CEP76: variants seen among roughly 807,000 people sequenced by gnomAD.
CEP76 encodes the protein centrosomal protein of 76 kDa.
Under a neutral mutation model 83.3 loss-of-function variants are expected in CEP76, and 55 were observed. The ratio of observed to expected loss-of-function variants is 0.66; its 90% CI spans 0.53 to 0.83. The LOEUF is 0.83. CEP76 is among the 40% of genes least tolerant of loss of function. The pLI, the probability that CEP76 is intolerant of heterozygous loss-of-function variation, is 0.00. For missense variants in CEP76, 694 were observed against 799.5 expected, an observed-to-expected ratio of 0.87 and a Z score of 1.59; for synonymous variants, 270 against 274.5, an observed-to-expected ratio of 0.98 and a Z score of 0.16.
chr18:12,662,749 C>T (rs2038720719), intron 12 of CEP76, among the ~76,000 whole-genome samples: 1 of 152,198 alleles, frequency 6.6e-6, no homozygotes, highest in South Asian at 2.1e-4. Context: ...TGCCCTCCAG[C>T]CTGGGCGATA....
intron 8 of CEP76, chr18:12,684,745 A>G (rs2039479334): frequency 6.6e-6 from 1 of 151,964 alleles, no homozygotes; most frequent in Non-Finnish European, 1.5e-5. Context: ...GGCCTCCCAA[A>G]GTGCTGGGAT....
In CEP76 at chr18:12,697,428, G is replaced by A. The variant is rs761424962; in HGVS notation, c.521-20C>T. ...CATCACCTAGCAATATAATCCAAAC[G>A]AAATTATACCACACTACATATTCAG... On this transcript the variant is annotated intron_variant, in intron 4 of 11. Coordinates refer to ENST00000262127, the MANE Select transcript of CEP76 (RefSeq NM_024899.4). 1.2e-5 allele frequency: 19 copies of A among 1,538,386 alleles called. No individual in the cohort carries two copies. The highest frequency in any genetic ancestry group is 4.7e-5 in the South Asian group (4 of 84,658).
downstream of CEP76, among the ~76,000 whole-genome samples, chr18:12,672,270 G>A (rs1330201052): frequency 2.6e-5 from 4 of 151,390 alleles, no homozygotes; most frequent in South Asian, 2.1e-4. Flanking sequence ...GTGAGCCACC[G>A]CACCCGGCCT....
chr18:12,695,589 T>C (rs1210761269), intron 5 of CEP76, among the ~76,000 whole-genome samples: 1 of 152,110 alleles, frequency 6.6e-6, no homozygotes, highest in Non-Finnish European at 1.5e-5. Flanking sequence ...TTTTCTTCTT[T>C]AAGTAGAGAT....
chr18:12,698,887 CT>C (rs2040053633), intron 4 of CEP76, 91 bp downstream of exon 4: 1 of 885,322 alleles, frequency 1.1e-6, no homozygotes, highest in East Asian at 2.6e-5. Context: ...CATTATAAAT[CT>C]CTCCTTACAG....
chr18:12,673,706 C>T (rs1008620959), intron 11 of CEP76, among the ~76,000 whole-genome samples: 1 of 151,940 alleles, frequency 6.6e-6, no homozygotes, highest in Non-Finnish European at 1.5e-5. Flanking sequence ...ATAGTGAAAC[C>T]CCGCCTCTAC....
intron 3 of CEP76, 146 bp downstream of exon 3, chr18:12,699,684 A>C: frequency 1.9e-6 from 1 of 534,192 alleles, no homozygotes; most frequent in East Asian, 3.2e-5. Flanking sequence ...ACTTCATGCA[A>C]AACAATCTGT....
intron 1 of CEP76, 82 bp downstream of exon 1, chr18:12,702,404 C>G: frequency 9.4e-7 from 1 of 1,066,138 alleles, no homozygotes; most frequent in Non-Finnish European, 1.4e-6. Context: ...AAGCAGATGC[C>G]GCTGTCGGCC....
chr18:12,662,073 G>T, exon 13 of CEP76: 2 of 386,334 alleles, frequency 5.2e-6, no homozygotes, highest in African/African-American at 2.1e-5. Flanking sequence ...GGAGGTACTG[G>T]CTGTGCTGCT....
chr18:12,673,329 T>C lies in CEP76; in HGVS notation c.*36A>G, dbSNP rs1297084726. ...TAATGTACAATGTGTAAAATTCCAATTAAACACAGGTATAAATCTTATATA... is the reference window on the plus strand; with the variant it reads ...TAATGTACAATGTGTAAAATTCCAACTAAACACAGGTATAAATCTTATATA... On this transcript the variant is annotated 3_prime_UTR_variant, in exon 12 of 12. Coordinates refer to ENST00000262127, the MANE Select transcript of CEP76 (RefSeq NM_024899.4). The C allele has an allele frequency of 8.3e-6, 13 of 1,569,358 alleles. No homozygotes were observed. The highest frequency in any genetic ancestry group is 1.1e-5 in the Non-Finnish European group (13 of 1,165,986).
intron 9 of CEP76, among the ~76,000 whole-genome samples, chr18:12,679,914 G>C (rs2039284127): frequency 6.6e-6 from 1 of 151,940 alleles, no homozygotes; most frequent in Non-Finnish European, 1.5e-5. Context: ...AAATTAGCTA[G>C]GCATGGCTGT....
chr18:12,662,639 T>G (rs976954006), intron 12 of CEP76, among the ~76,000 whole-genome samples: 4 of 152,126 alleles, frequency 2.6e-5, no homozygotes, highest in Non-Finnish European at 4.4e-5. Context: ...TAACCAGGCA[T>G]GGTGGTGCAC....
At position 12,673,001 on chromosome 18, in the gene CEP76, T is replaced by C. The variant is rs1225667100; in HGVS notation, c.*364A>G. 2 of 994,184 alleles carry C rather than the reference T, an allele frequency of 2.0e-6. No individual in the cohort carries two copies. The highest frequency in any genetic ancestry group is 2.4e-6 in the Non-Finnish European group (2 of 835,966). The allele number at this position is 994,184 out of a possible 1,614,324, so 61.6% of individuals were successfully genotyped here. ...GTGAAAAGTAATGATCATACTGATTTGTCTAGGGCTCAAACCCTTAGACAA... is the reference window on the plus strand; with the variant it reads ...GTGAAAAGTAATGATCATACTGATTCGTCTAGGGCTCAAACCCTTAGACAA... On this transcript the variant is annotated 3_prime_UTR_variant, in exon 12 of 12. Coordinates refer to ENST00000262127, the MANE Select transcript of CEP76 (RefSeq NM_024899.4).
chr18:12,686,076 T>C, intron 8 of CEP76, 186 bp downstream of exon 8: 1 of 484,916 alleles, frequency 2.1e-6, no homozygotes, highest in South Asian at 3.2e-5. Context: ...TATTTTTTAT[T>C]ATTGTAATTT....
chr18:12,671,378 G>A (rs2038938030), downstream of CEP76, among the ~76,000 whole-genome samples: 1 of 151,952 alleles, frequency 6.6e-6, no homozygotes, highest in Non-Finnish European at 1.5e-5. Context: ...ACTTTCTTAA[G>A]ACCAATGGAT....
In CEP76 at chr18:12,690,840, T is replaced by C. The variant is rs143072141; in HGVS notation, c.933+519A>G. 1.1e-3 allele frequency among the ~76,000 whole-genome samples: 172 copies of C among 152,258 alleles called. 1 individual carries two copies. The highest frequency in any genetic ancestry group is 7.1e-3 in the East Asian group (37 of 5,186). On this transcript the variant is annotated intron_variant, in intron 7 of 11. Transcript: ENST00000262127. Reference sequence around the variant, plus strand: ...AAAAATGGAGGCAGAGATATATAGTTGAAATGCTTCAGTTAAACATTACTG... The same window carrying C: ...AAAAATGGAGGCAGAGATATATAGTCGAAATGCTTCAGTTAAACATTACTG...
chr18:12,671,783 G>C (rs1042312598), downstream of CEP76, among the ~76,000 whole-genome samples: 2 of 151,406 alleles, frequency 1.3e-5, no homozygotes, highest in African/African-American at 2.4e-5. Flanking sequence ...TTGGATTATG[G>C]GTGTGTGACA....
intron 8 of CEP76, among the ~76,000 whole-genome samples, chr18:12,682,047 A>G (rs2145023378): frequency 6.6e-6 from 1 of 152,248 alleles, no homozygotes; most frequent in Admixed American, 6.5e-5. Flanking sequence ...GTGTTCTGTG[A>G]AAAAAATTAC....
At chr18:12,671,638 CTTTCTTT>C (rs1435421013), downstream of CEP76, among the ~76,000 whole-genome samples, 15 of 82,946 alleles carry the variant, frequency 1.8e-4, no homozygotes, top group Middle Eastern at 7.7e-3. Context: ...AGGTTTCACA[CTTTCTTT>C]TTTTTTTTTT....
Sources: gnomAD v4.1 joint callset for allele counts (sites outside exome capture counted in the v4.1 genomes callset) on GRCh38, gnomAD v4.1.1 for gene constraint, MANE v1.5 for transcripts, NCBI Gene and HGNC (gene_info 2026-07-23, HGNC 2026-07-21) for gene names.